PTPRH: variants seen among roughly 807,000 people sequenced by gnomAD.
PTPRH encodes the protein receptor-type tyrosine-protein phosphatase H.
Under a neutral mutation model 130.2 loss-of-function variants are expected in PTPRH, and 113 were observed. That is an observed-to-expected ratio of 0.87 (90% CI 0.75 to 1.01). The LOEUF is 1.01. Ranked by LOEUF, PTPRH falls within the 50% of genes least tolerant of loss-of-function variation. PTPRH has a pLI of 0.00. For missense variants in PTPRH, 1,430 were observed against 1,425.0 expected (o/e 1.00, Z -0.06); for synonymous variants, 556 against 577.9 (o/e 0.96, Z 0.54).
At chr19:55,198,588 TC>T in intron 8 of PTPRH, 54 bp downstream of exon 8, 1 of 1,490,128 alleles carries the variant, frequency 6.7e-7, no homozygotes, top group South Asian at 1.4e-5. Flanking sequence ...AGTCCTTTCA[TC>T]TTTTTCCTTC....
At position 55,209,501 on chromosome 19, in the gene PTPRH, C is replaced by T; in HGVS notation, c.-68G>A. 8.9e-7 allele frequency: 1 copy of T among 1,127,816 alleles called. No homozygotes were observed. Among genetic ancestry groups the T allele is most frequent in the Non-Finnish European group, 1.3e-6 (1 of 773,594 alleles). 69.9% of individuals were successfully genotyped at this position (1,127,816 alleles called of 1,614,324 possible). On this transcript the variant is annotated 5_prime_UTR_variant, in exon 1 of 20. Coordinates refer to ENST00000376350, the MANE Select transcript of PTPRH (RefSeq NM_002842.5). This position sits in a 1 kb window ranked among gnomAD's most constrained non-coding sequence, Gnocchi z 4.1. The stretch of plus-strand genomic sequence containing the variant: ...CCTTCCACCTGCTGGACTTTACACT[C>T]AAGAATTTCCCCTTTACCAGATCAT...
chr19:55,205,366 A>G lies in PTPRH; in HGVS notation c.579T>C (p.Asn193=), dbSNP rs148450602. 4 of 1,614,152 alleles carry G rather than the reference A, an allele frequency of 2.5e-6. No homozygotes were observed. Among genetic ancestry groups the G allele is most frequent in the Non-Finnish European group, 3.4e-6 (4 of 1,180,026 alleles). Residue 193 remains asparagine, a synonymous_variant, in exon 4 of 20, where the codon AAT becomes AAC. Coordinates refer to ENST00000376350, the MANE Select transcript of PTPRH (RefSeq NM_002842.5). ...LYAFSMWVGK[N]GINSSRETRN... ...GAGTCTCCCGGGAGCTGTTGATTCCATTCTTTCCCACCCACATGGAAAACG... is the reference window on the plus strand; with the variant it reads ...GAGTCTCCCGGGAGCTGTTGATTCCGTTCTTTCCCACCCACATGGAAAACG...
intron 5 of PTPRH, among the ~76,000 whole-genome samples, chr19:55,202,894 C>A (rs577233123): frequency 6.6e-6 from 1 of 151,856 alleles, no homozygotes; most frequent in Non-Finnish European, 1.5e-5. Flanking sequence ...CAAAAGTTAG[C>A]CAGGTATGGT....
In PTPRH at chr19:55,182,037, C is replaced by G. The variant is rs536529711; in HGVS notation, c.3177G>C (p.Arg1059=). ...TCACCTCAGTCTGCACCATCAACGG[C>G]CGACTCTCTCTCATCTTCCTTACAA... ...FSFVRKMRES[R]PLMVQTEAQY... is the part of the protein sequence containing the mutation. Residue 1059 remains arginine (R), a synonymous_variant, in exon 19 of 20, where the codon CGG becomes CGC. Coordinates refer to ENST00000376350, the MANE Select transcript of PTPRH (RefSeq NM_002842.5). 2.5e-6 allele frequency: 4 copies of G among 1,614,152 alleles called. No homozygotes were observed. In the South Asian group the frequency reaches 4.4e-5, roughly 18 times the overall value.
At chr19:55,202,530 CG>C (rs1234452817) in intron 5 of PTPRH, among the ~76,000 whole-genome samples, 1 of 152,000 alleles carries the variant, frequency 6.6e-6, no homozygotes, top group African/African-American at 2.4e-5. Context: ...AGATCCACAC[CG>C]GCTTTCGAAG....
intron 3 of PTPRH, among the ~76,000 whole-genome samples, chr19:55,206,163 G>T (rs1840947023): frequency 6.6e-6 from 1 of 151,418 alleles, no homozygotes; most frequent in African/African-American, 2.4e-5. Context: ...AACCCAGGAG[G>T]CAAAGGTTGC....
chr19:55,189,723 G>C (rs1436953065), intron 12 of PTPRH: 1 of 456,104 alleles, frequency 2.2e-6, no homozygotes, highest in South Asian at 1.5e-5. Context: ...GCTCACGCCT[G>C]TGATGCAAAC....
In PTPRH at chr19:55,197,513, T is replaced by G. The variant is rs915915577; in HGVS notation, c.1691-97A>C. ...CCCACAGCAAAGCTGAGATATCCAT[T>G]ATTGATGGCTCCAGTGGCTAAGGAG... On this transcript the variant is annotated intron_variant, in intron 8 of 19. Transcript: ENST00000376350. 44 of 1,175,002 alleles carry G rather than the reference T, an allele frequency of 3.7e-5. 1 individual carries two copies. The Middle Eastern group carries it at 1.3e-3, about 35-fold the overall frequency. 72.8% of individuals were successfully genotyped at this position (1,175,002 alleles called of 1,614,324 possible). A position where few individuals can be genotyped will look rare whatever the true frequency, so the allele number is the denominator to read the frequency against.
chr19:55,193,548 G>A (rs1418219737), intron 10 of PTPRH, among the ~76,000 whole-genome samples: 3 of 152,346 alleles, frequency 2.0e-5, no homozygotes, highest in East Asian at 1.9e-4. Flanking sequence ...GTCTGGAGAC[G>A]CTTTTGGTTG....
At position 55,197,195 on chromosome 19, in the gene PTPRH, C is replaced by T. The variant is rs184856012; in HGVS notation, c.1912G>A (p.Gly638Arg). The change falls in exon 9 of 20, where the codon GGG becomes AGG. Residue 638 changes from glycine to arginine, a missense_variant. Physicochemically the swap from Gly to Arg is moderately radical, Grantham distance 125 (BLOSUM62 -2). Transcript: ENST00000376350. Reference protein sequence around the residue: ...TWYKVEALEPGTLYNFTVWAE... With the variant: ...TWYKVEALEPRTLYNFTVWAE... ...CACACGGTGAAATTGTACAACGTCC[C>T]GGGTTCCAGGGCCTCCACTTTGTAC... 10 of 1,614,256 alleles carry T rather than the reference C, an allele frequency of 6.2e-6. No homozygotes were observed. The highest frequency in any genetic ancestry group is 4.5e-5 in the East Asian group (2 of 44,880).
chr19:55,187,940 A>C, intron 13 of PTPRH, 138 bp downstream of exon 13: 8 of 643,562 alleles, frequency 1.2e-5, no homozygotes, highest in Middle Eastern at 4.2e-4. Context: ...ATGGCTGGGA[A>C]TCTCTGCACA....
At chr19:55,199,331 G>A (rs1400641548) in intron 7 of PTPRH, among the ~76,000 whole-genome samples, 2 of 151,582 alleles carry the variant, frequency 1.3e-5, no homozygotes, top group African/African-American at 4.9e-5. Flanking sequence ...GAGAGAGGCC[G>A]GGCGCAGTGG....
chr19:55,183,794 A>G (rs908414155), intron 18 of PTPRH, among the ~76,000 whole-genome samples: 1 of 152,168 alleles, frequency 6.6e-6, no homozygotes, highest in African/African-American at 2.4e-5. Context: ...CCCCACCTCT[A>G]TCTACTTGCA....
intron 10 of PTPRH, among the ~76,000 whole-genome samples, chr19:55,193,523 GA>G (rs2086600844): frequency 6.6e-6 from 1 of 152,182 alleles, no homozygotes; most frequent in South Asian, 2.1e-4. Flanking sequence ...TGCTCCCAAA[GA>G]GACACCGGGC....
At chr19:55,201,564 T>A (rs542594475) in intron 6 of PTPRH, among the ~76,000 whole-genome samples, 1 of 152,170 alleles carries the variant, frequency 6.6e-6, no homozygotes, top group Admixed American at 6.5e-5. Context: ...CTTTAATGAG[T>A]TTAAATTTAA....
intron 12 of PTPRH, among the ~76,000 whole-genome samples, chr19:55,189,531 C>T (rs952228424): frequency 6.6e-5 from 10 of 152,186 alleles, no homozygotes; most frequent in African/African-American, 1.9e-4. Flanking sequence ...CTGAACCTCA[C>T]GTGTGCTGTT....
intron 16 of PTPRH, 64 bp downstream of exon 16, chr19:55,186,161 C>A: frequency 6.3e-7 from 1 of 1,577,324 alleles, no homozygotes; most frequent in Middle Eastern, 1.7e-4. Flanking sequence ...GTGGGGTCTA[C>A]ATTGGATGAG....
chr19:55,186,896 T>C (rs1464663632), intron 14 of PTPRH, among the ~76,000 whole-genome samples: 1 of 151,582 alleles, frequency 6.6e-6, no homozygotes, highest in African/African-American at 2.4e-5. Context: ...AATACAAAAA[T>C]TAGCCAGGCA....
In PTPRH at chr19:55,181,554, ATCCCCAGC is replaced by A; in HGVS notation, c.*192_*199del. Reference sequence around the variant, plus strand: ...CTCCTTCAGGGAACCAGGAATCCAGATCCCCAGCTCCCATAGGACTCATCTGAAGCCCA... The same window carrying A: ...CTCCTTCAGGGAACCAGGAATCCAGATCCCATAGGACTCATCTGAAGCCCA... On this transcript the variant is annotated 3_prime_UTR_variant, in exon 20 of 20. Coordinates refer to ENST00000376350, the MANE Select transcript of PTPRH (RefSeq NM_002842.5). The A allele has an allele frequency of 1.5e-6, 1 of 646,980 alleles. No homozygotes were observed. Among genetic ancestry groups the A allele is most frequent in the Non-Finnish European group, 2.6e-6 (1 of 380,236 alleles). 40.1% of individuals were successfully genotyped at this position (646,980 alleles called of 1,614,324 possible). A position where few individuals can be genotyped will look rare whatever the true frequency, so the allele number is the denominator to read the frequency against.
Sources: allele counts gnomAD v4.1 joint callset (sites outside exome capture counted in the v4.1 genomes callset), GRCh38; gene constraint gnomAD v4.1.1; non-coding constraint Gnocchi (gnomAD v3.1); transcripts MANE v1.5; gene names NCBI Gene and HGNC (gene_info 2026-07-23, HGNC 2026-07-21).